The following DOCK7 variants were observed in gnomAD, a reference collection of about 807,000 sequenced individuals.
The protein encoded by DOCK7 is dedicator of cytokinesis protein 7.
Under a neutral mutation model 271.0 loss-of-function variants are expected in DOCK7, and 138 were observed. The observed-to-expected ratio is 0.51, with a 90% CI of 0.44 to 0.59. The LOEUF is 0.59. Among genes scored for constraint, DOCK7 ranks in the 20% least tolerant of loss-of-function variants. The pLI is 0.00. For synonymous variants in DOCK7, 823 were observed against 876.1 expected (o/e 0.94, Z 1.07); for missense variants, 2,066 against 2,592.4 (o/e 0.80, Z 4.41).
At chr1:62,603,848 T>C in intron 14 of DOCK7, 1 of 906,216 alleles carries the variant, frequency 1.1e-6, no homozygotes, top group Non-Finnish European at 1.7e-6. Flanking sequence ...TACACTAAAA[T>C]GATCAAGGGA....
rs975036597 is a variant in DOCK7 at position 62,605,066 on chromosome 1, G to A, written c.1682+13640C>T. 38 of 409,622 alleles carry A rather than the reference G, an allele frequency of 9.3e-5. No individual in the cohort carries two copies. The East Asian group carries it at 1.6e-3, about 17-fold the overall frequency. 25.4% of individuals were successfully genotyped at this position (409,622 alleles called of 1,614,324 possible). Reference sequence around the variant, plus strand: ...TGTGATGTGGGAATCAATTTTAGATGGTCACAATCTAGATTATAATCAATA... The same window carrying A: ...TGTGATGTGGGAATCAATTTTAGATAGTCACAATCTAGATTATAATCAATA... On this transcript the variant is annotated intron_variant, in intron 14 of 49. Transcript: ENST00000635253.
chr1:62,556,466 A>C (rs1646144532), intron 20 of DOCK7, among the ~76,000 whole-genome samples: 1 of 151,994 alleles, frequency 6.6e-6, no homozygotes, highest in East Asian at 1.9e-4. Flanking sequence ...TATAATAAGA[A>C]AATAGTGAAT....
At chr1:62,644,129 T>C (rs1236145781) in intron 7 of DOCK7, among the ~76,000 whole-genome samples, 1 of 152,196 alleles carries the variant, frequency 6.6e-6, no homozygotes, top group Non-Finnish European at 1.5e-5. Context: ...AGAAATATTT[T>C]AAGGCCTATA....
intron 43 of DOCK7, among the ~76,000 whole-genome samples, chr1:62,479,426 A>C (rs937397007): frequency 6.6e-6 from 1 of 152,190 alleles, no homozygotes; most frequent in Non-Finnish European, 1.5e-5. Flanking sequence ...AATTTAACAC[A>C]CATAAAAATT....
chr1:62,515,221 C>T (rs939802082), intron 31 of DOCK7, among the ~76,000 whole-genome samples: 3 of 151,922 alleles, frequency 2.0e-5, no homozygotes, highest in African/African-American at 4.8e-5. Context: ...GTGTGGCTCC[C>T]GAGACACAAG....
intron 48 of DOCK7, among the ~76,000 whole-genome samples, chr1:62,466,057 A>G (rs1035848629): frequency 6.6e-6 from 1 of 152,228 alleles, no homozygotes; most frequent in East Asian, 1.9e-4. Context: ...TTGCCTTTTT[A>G]AAATGCCAGT....
chr1:62,605,055 C>A (rs1327166269), intron 14 of DOCK7: 10 of 436,630 alleles, frequency 2.3e-5, no homozygotes, highest in Non-Finnish European at 2.9e-5. Context: ...ATGTGGGAAT[C>A]AATTTTAGAT....
At chr1:62,674,995 A>T (rs918418581) in intron 1 of DOCK7, among the ~76,000 whole-genome samples, 1 of 152,194 alleles carries the variant, frequency 6.6e-6, no homozygotes, top group Non-Finnish European at 1.5e-5. Flanking sequence ...AACATCACCT[A>T]AAAAATGAAA....
At chr1:62,608,022 C>A (rs1651254103) in intron 14 of DOCK7, 1 of 152,102 alleles carries the variant, frequency 6.6e-6, no homozygotes, top group Non-Finnish European at 1.5e-5. Flanking sequence ...GTCAAGCCTG[C>A]AGCGAACCAT....
At chr1:62,613,119 A>G (rs1651998881) in intron 14 of DOCK7, among the ~76,000 whole-genome samples, 1 of 152,222 alleles carries the variant, frequency 6.6e-6, no homozygotes, top group Non-Finnish European at 1.5e-5. Context: ...ATGATTTCAA[A>G]TATCCAATAA....
intron 8 of DOCK7, 77 bp downstream of exon 8, chr1:62,636,460 A>T: frequency 8.6e-7 from 1 of 1,161,998 alleles, no homozygotes. Flanking sequence ...CTCAAAAAAA[A>T]TCAATCTTAT....
intron 2 of DOCK7, among the ~76,000 whole-genome samples, chr1:62,658,871 T>C (rs1168100): frequency 0.24 from 37,163 of 151,686 alleles, 5,706 homozygotes; most frequent in East Asian, 0.54. Context: ...GAGAATTACT[T>C]GAGCCTGGGA....
chr1:62,566,460 T>G (rs996802763), intron 18 of DOCK7, among the ~76,000 whole-genome samples: 1 of 152,208 alleles, frequency 6.6e-6, no homozygotes, highest in African/African-American at 2.4e-5. Flanking sequence ...GATTCCCTAT[T>G]TGATAAATGG....
At chr1:62,580,677 T>TA (rs990263006) in intron 16 of DOCK7, among the ~76,000 whole-genome samples, 2 of 151,200 alleles carry the variant, frequency 1.3e-5, no homozygotes, top group Admixed American at 6.6e-5. Context: ...AGATGAAGAT[T>TA]AAAAAAAAAC....
intron 37 of DOCK7, among the ~76,000 whole-genome samples, chr1:62,503,774 G>A (rs779339949): frequency 1.7e-4 from 26 of 152,150 alleles, no homozygotes; most frequent in East Asian, 9.8e-4. Context: ...GCAGCCAGGC[G>A]CGGTGGCTCA....
Position 62,513,689 on chromosome 1 carries a change from C to T in DOCK7, c.4119+27G>A, listed in dbSNP as rs1356385844. ...CACATTATGTTTCTCCTTTCTTGTTCTTTGCAATGGTACAATGACCACTTA... is the reference window on the plus strand; with the variant it reads ...CACATTATGTTTCTCCTTTCTTGTTTTTTGCAATGGTACAATGACCACTTA... On this transcript the variant is annotated intron_variant, in intron 32 of 49. Coordinates refer to ENST00000635253, the MANE Select transcript of DOCK7 (RefSeq NM_001367561.1). 3.7e-6 allele frequency: 6 copies of T among 1,608,472 alleles called. 1 individual carries two copies. In the South Asian group the frequency reaches 6.7e-5, roughly 18 times the overall value.
chr1:62,583,500 C>T (rs779557921), intron 15 of DOCK7, among the ~76,000 whole-genome samples: 4 of 152,110 alleles, frequency 2.6e-5, no homozygotes, highest in Non-Finnish European at 5.9e-5. Context: ...TTTATATCTA[C>T]TGGGAAATTA....
intron 1 of DOCK7, 71 bp from the exon 2 acceptor site, chr1:62,663,201 G>A: frequency 8.4e-7 from 1 of 1,185,426 alleles, no homozygotes; most frequent in Non-Finnish European, 1.2e-6. Context: ...AAAATGGAGG[G>A]AAGCTAAATA....
intron 14 of DOCK7, among the ~76,000 whole-genome samples, chr1:62,591,479 TC>T (rs1280905712): frequency 6.6e-6 from 1 of 150,850 alleles, no homozygotes; most frequent in Admixed American, 6.6e-5. Context: ...CCTTCACATG[TC>T]CCCAAACCTA....
Sources: gnomAD v4.1 joint callset for allele counts (sites outside exome capture counted in the v4.1 genomes callset) on GRCh38, gnomAD v4.1.1 for gene constraint, MANE v1.5 for transcripts, NCBI Gene and HGNC (gene_info 2026-07-23, HGNC 2026-07-21) for gene names.